Variants in PTPRN2 observed in about 807,000 individuals in gnomAD.
PTPRN2 encodes receptor-type tyrosine-protein phosphatase N2.
A neutral mutation model predicts 118.8 loss-of-function variants in PTPRN2; 74 were observed. The ratio of observed to expected loss-of-function variants is 0.62; its 90% CI spans 0.52 to 0.76. The LOEUF (loss-of-function observed/expected upper bound fraction) is 0.76. Ranked by LOEUF, PTPRN2 falls within the 30% of genes least tolerant of loss-of-function variation. PTPRN2 has a pLI of 0.00. For synonymous variants in PTPRN2, 641 were observed against 608.0 expected, an observed-to-expected ratio of 1.05 and a Z score of -0.80; for missense variants, 1,481 against 1,394.4, an observed-to-expected ratio of 1.06 and a Z score of -0.99.
chr7:158,071,627 C>CCTG (rs1811744577), intron 11 of PTPRN2, among the ~76,000 whole-genome samples: 1 of 86,620 alleles, frequency 1.2e-5, no homozygotes. Flanking sequence ...TGGAGGTGCT[C>CCTG]GTGGTGGTGG....
chr7:157,821,244 G>T (rs1806820998), intron 12 of PTPRN2, among the ~76,000 whole-genome samples: 1 of 152,242 alleles, frequency 6.6e-6, no homozygotes, highest in African/African-American at 2.4e-5. Flanking sequence ...TAAGTTTGGA[G>T]ACAACAACAA....
At chr7:157,552,654 G>C (rs145965861) in intron 21 of PTPRN2, among the ~76,000 whole-genome samples, 424 of 152,338 alleles carry the variant, frequency 2.8e-3, no homozygotes, top group African/African-American at 9.7e-3. Flanking sequence ...AATTAAAAAC[G>C]TAAGATGTCT....
In PTPRN2 at chr7:157,763,452, G is replaced by A. The variant is rs576622076; in HGVS notation, c.1789-80515C>T. Among the ~76,000 whole-genome samples, 16 of 152,218 alleles carry A rather than the reference G, an allele frequency of 1.1e-4. No individual in the cohort carries two copies. Among genetic ancestry groups the A allele is most frequent in the African/African-American group, 3.6e-4 (15 of 41,540 alleles). On this transcript the variant is annotated intron_variant, in intron 12 of 22. Coordinates refer to ENST00000389418, the MANE Select transcript of PTPRN2 (RefSeq NM_002847.5). The surrounding 1 kb of genome is among the most constrained non-coding windows in gnomAD (Gnocchi z 4.9). ...TTGGCGGTGGCCCTGAGCCAGGCTG[G>A]TGTGGCCTCGAGTCCCTTCTCCTAG...
chr7:158,277,860 C>T (rs1799130290), intron 3 of PTPRN2, among the ~76,000 whole-genome samples: 1 of 152,208 alleles, frequency 6.6e-6, no homozygotes, highest in Non-Finnish European at 1.5e-5. Context: ...CATGCCCTCC[C>T]TGGCTTCTCC....
intron 12 of PTPRN2, chr7:157,864,607 C>CTG (rs1810495426): frequency 6.6e-6 from 1 of 152,420 alleles, no homozygotes; most frequent in South Asian, 2.1e-4. Flanking sequence ...CCATGTGGGG[C>CTG]TGGCCCACGG....
At chr7:158,231,474 A>C (rs1054744707) in intron 3 of PTPRN2, among the ~76,000 whole-genome samples, 1 of 152,208 alleles carries the variant, frequency 6.6e-6, no homozygotes, top group African/African-American at 2.4e-5. Context: ...AGTATATAAA[A>C]CAGACATTAA....
intron 2 of PTPRN2, among the ~76,000 whole-genome samples, chr7:158,372,677 A>T (rs981504529): frequency 6.6e-6 from 1 of 152,006 alleles, no homozygotes; most frequent in African/African-American, 2.4e-5. Flanking sequence ...CACCACGCTG[A>T]TCCCCAGAGT....
In PTPRN2 at chr7:158,438,511, C is replaced by T. The variant is rs769273430; in HGVS notation, c.163+51224G>A. Among the ~76,000 whole-genome samples, 2 of 152,172 alleles carry T rather than the reference C, an allele frequency of 1.3e-5. No individual in the cohort carries two copies. The highest frequency in any genetic ancestry group is 1.5e-5 in the Non-Finnish European group (1 of 68,036). On this transcript the variant is annotated intron_variant, in intron 2 of 22. Coordinates refer to ENST00000389418, the MANE Select transcript of PTPRN2 (RefSeq NM_002847.5). The surrounding 1 kb of genome is among the most constrained non-coding windows in gnomAD (Gnocchi z 4.7). ...AACAGGATCTTGGCCTCTCAAATCC[C>T]GGTTGCCTCCGCAGCTCCCCAAAGC...
In PTPRN2 at chr7:157,635,994, G is replaced by A. The variant is rs1034915865; in HGVS notation, c.2197-14485C>T. On this transcript the variant is annotated intron_variant, in intron 14 of 22. Coordinates refer to ENST00000389418, the MANE Select transcript of PTPRN2 (RefSeq NM_002847.5). ...AAGTCACATGAAGTATCAGGAAATC[G>A]CTATTTTAATGGCAAATACTTCCCC... Among the ~76,000 whole-genome samples the A allele has an allele frequency of 7.2e-5, 11 of 152,290 alleles. No individual in the cohort carries two copies. In the East Asian group the frequency reaches 9.6e-4, roughly 13 times the overall value.
At chr7:158,143,828 T>A (rs998596614) in intron 6 of PTPRN2, among the ~76,000 whole-genome samples, 1 of 152,102 alleles carries the variant, frequency 6.6e-6, no homozygotes, top group Non-Finnish European at 1.5e-5. Flanking sequence ...ACAAAAGGAC[T>A]CTCCACACAC....
chr7:158,510,939 C>A (rs1221960886), intron 1 of PTPRN2, among the ~76,000 whole-genome samples: 1 of 152,248 alleles, frequency 6.6e-6, no homozygotes, highest in Admixed American at 6.5e-5. Flanking sequence ...ATGTACCTTC[C>A]CAGCCTCCCA....
intron 14 of PTPRN2, among the ~76,000 whole-genome samples, chr7:157,636,390 A>C (rs1804319656): frequency 6.6e-6 from 1 of 152,194 alleles, no homozygotes; most frequent in South Asian, 2.1e-4. Flanking sequence ...TTCTTCTTGT[A>C]ATTTTGGTCT....
rs1585043903 is a variant in PTPRN2, at chr7:157,568,960, A to C, written c.2844T>G (p.Gly948=). Residue 948 remains glycine (G), a synonymous_variant, in exon 21 of 23, where the codon GGT becomes GGG. Transcript: ENST00000389418. ...SCPIIVHCSD[G]AGRSGTYVLI... is the part of the protein sequence containing the mutation. ...GGACGTAGGTGCCGCTCCGGCCTGC[A>C]CCGTCACTGCCAACAGAAGGAGAGA... is the stretch of plus-strand genomic sequence containing the variant. 6.4e-7 allele frequency: 1 copy of C among 1,570,160 alleles called. No homozygotes were observed. Among genetic ancestry groups the C allele is most frequent in the Non-Finnish European group, 8.8e-7 (1 of 1,140,334 alleles).
intron 12 of PTPRN2, among the ~76,000 whole-genome samples, chr7:157,749,454 G>A (rs1442656604): frequency 6.9e-6 from 1 of 145,574 alleles, no homozygotes; most frequent in Admixed American, 6.9e-5. Flanking sequence ...AGGTGATTCT[G>A]TGGCCTGTGT....
rs533424417 is a variant in PTPRN2 at position 158,189,759 on chromosome 7, G to A, written c.549+2568C>T. Reference sequence around the variant, plus strand: ...GCGTCTGGGGACGTGACGTCACGGCGCCGTTACAGAAGCCTGAAATCTCCC... The same window carrying A: ...GCGTCTGGGGACGTGACGTCACGGCACCGTTACAGAAGCCTGAAATCTCCC... On this transcript the variant is annotated intron_variant, in intron 5 of 22. Transcript: ENST00000389418. 1.3e-3 allele frequency among the ~76,000 whole-genome samples: 193 copies of A among 152,318 alleles called. 1 individual carries two copies. Among genetic ancestry groups the A allele is most frequent in the Middle Eastern group, 6.8e-3 (2 of 294 alleles).
In PTPRN2 at chr7:158,167,285, C is replaced by G. The variant is rs754526684; in HGVS notation, c.556G>C (p.Asp186His). The stretch of plus-strand genomic sequence containing the variant: ...GTCAGGATGCTCTCGGAGAAGCGGT[C>G]ATCACCCTGAAGGAAAGGAGAGCAA... ...AQDRPPAEGD[D>H]RFSESILTYV... Residue 186 changes from aspartate to histidine, a missense_variant, in exon 6 of 23, where the codon GAC (aspartate) becomes CAC (histidine). By Grantham distance (81) the Asp-to-His change is moderately conservative. Around this residue, in one of 3 missense-constraint regions of PTPRN2, gnomAD observed 1,115 missense variants for 994.2 expected, o/e 1.12. Coordinates refer to ENST00000389418, the MANE Select transcript of PTPRN2 (RefSeq NM_002847.5). The G allele has an allele frequency of 6.3e-7, 1 of 1,595,084 alleles. No individual in the cohort carries two copies. The highest frequency in any genetic ancestry group is 1.7e-5 in the Admixed American group (1 of 58,238).
intron 11 of PTPRN2, among the ~76,000 whole-genome samples, chr7:158,065,790 T>C (rs150813024): frequency 1.3e-5 from 2 of 152,364 alleles, no homozygotes; most frequent in East Asian, 1.9e-4. Flanking sequence ...GAAATCTGAC[T>C]TCTATTAAAA....
intron 3 of PTPRN2, among the ~76,000 whole-genome samples, chr7:158,302,760 G>GTCC (rs1800988320): frequency 6.6e-6 from 1 of 152,244 alleles, no homozygotes; most frequent in Non-Finnish European, 1.5e-5. Flanking sequence ...GCCTGCAACT[G>GTCC]TAAGAGGCCC....
In PTPRN2 at chr7:158,541,336, G is replaced by T. The variant is rs1057143824; in HGVS notation, c.112+46222C>A. On this transcript the variant is annotated intron_variant, in intron 1 of 22. Coordinates refer to ENST00000389418, the MANE Select transcript of PTPRN2 (RefSeq NM_002847.5). ...GGTGGCATTTAGTGCACTGAGTTTT[G>T]ACCTGTCCTGAGCCCTACAAACCTA... is the stretch of plus-strand genomic sequence containing the variant. 38 of 927,922 alleles carry T rather than the reference G, an allele frequency of 4.1e-5. No homozygotes were observed. The African/African-American group carries it at 6.4e-4, about 16-fold the overall frequency. The allele number at this position is 927,922 out of a possible 1,614,324, so 57.5% of individuals were successfully genotyped here. A position where few individuals can be genotyped will look rare whatever the true frequency, so the allele number is the denominator to read the frequency against.
Sources: gnomAD v4.1 joint callset for allele counts (sites outside exome capture counted in the v4.1 genomes callset) on GRCh38, gnomAD v4.1.1 for gene constraint, gnomAD v4.1.1 regional missense constraint, Gnocchi (gnomAD v3.1) non-coding constraint, MANE v1.5 for transcripts, NCBI Gene and HGNC (gene_info 2026-07-23, HGNC 2026-07-21) for gene names.